Variants in NRXN1 observed in about 807,000 individuals in gnomAD.
The protein encoded by NRXN1 is neurexin-1.
A neutral mutation model predicts 150.9 loss-of-function variants in NRXN1; 39 were observed. The observed-to-expected ratio is 0.26, with a 90% confidence interval of 0.20 to 0.34. NRXN1 has a LOEUF of 0.34. Among genes scored for constraint, NRXN1 ranks in the 10% least tolerant of loss-of-function variants. The pLI is 1.00. For synonymous variants in NRXN1, 924 were observed against 757.0 expected (o/e 1.22, Z -3.62); for missense variants, 1,815 against 1,949.9 (o/e 0.93, Z 1.30).
At chr2:50,488,703 G>T (rs557953571) in intron 15 of NRXN1, among the ~76,000 whole-genome samples, 58 of 152,240 alleles carry the variant, frequency 3.8e-4, no homozygotes, top group African/African-American at 1.3e-3. Flanking sequence ...GTACTCCAAA[G>T]ACTTCTGTAT....
At chr2:49,950,397 T>C (rs935499890) in intron 21 of NRXN1, among the ~76,000 whole-genome samples, 4 of 151,942 alleles carry the variant, frequency 2.6e-5, no homozygotes, top group African/African-American at 9.7e-5. Context: ...AGATCCAGTA[T>C]GTGGAGGATG....
chr2:50,488,448 T>C (rs1325429789), intron 15 of NRXN1, among the ~76,000 whole-genome samples: 1 of 152,128 alleles, frequency 6.6e-6, no homozygotes, highest in African/African-American at 2.4e-5. Flanking sequence ...AGAAAACTAG[T>C]GTGCAGAGCA....
intron 9 of NRXN1, among the ~76,000 whole-genome samples, chr2:50,543,812 ATAAGT>A (rs1388852749): frequency 3.9e-5 from 6 of 152,180 alleles, no homozygotes; most frequent in Non-Finnish European, 7.4e-5. Flanking sequence ...GAGATTTAAA[ATAAGT>A]TAAGTTGATG....
chr2:50,347,630 G>A lies in NRXN1; in HGVS notation c.3365-110660C>T, dbSNP rs2078130147. 2.0e-5 allele frequency: 20 copies of A among 1,000,406 alleles called. No homozygotes were observed. The highest frequency in any genetic ancestry group is 2.3e-5 in the Non-Finnish European group (19 of 839,280). The allele number at this position is 1,000,406 out of a possible 1,614,324, so 62.0% of individuals were successfully genotyped here. On this transcript the variant is annotated intron_variant, in intron 17 of 22. Coordinates refer to ENST00000401669, the MANE Select transcript of NRXN1 (RefSeq NM_001330078.2). This position sits in a 1 kb window ranked among gnomAD's most constrained non-coding sequence, Gnocchi z 4.9. Reference sequence around the variant, plus strand: ...TCCTGACACTTACGCCCGGCGAGGGGTTCAGAGGGAAGAGTGCGCCCTTCT... The same window carrying A: ...TCCTGACACTTACGCCCGGCGAGGGATTCAGAGGGAAGAGTGCGCCCTTCT...
chr2:49,973,318 T>G (rs557908625), intron 21 of NRXN1, among the ~76,000 whole-genome samples: 1 of 152,366 alleles, frequency 6.6e-6, no homozygotes, highest in South Asian at 2.1e-4. Flanking sequence ...GCAGAATTAA[T>G]GTAAGTAAAT....
chr2:50,095,111 G>A (rs996106570), intron 18 of NRXN1, among the ~76,000 whole-genome samples: 4 of 152,114 alleles, frequency 2.6e-5, no homozygotes, highest in African/African-American at 9.7e-5. Context: ...CAGTGCAAGT[G>A]GGGGCTCCAC....
intron 18 of NRXN1, among the ~76,000 whole-genome samples, chr2:50,224,401 G>A (rs1225214960): frequency 6.6e-6 from 1 of 151,806 alleles, no homozygotes; most frequent in Non-Finnish European, 1.5e-5. Flanking sequence ...CTAATTTTAT[G>A]CAAAATGTTT....
At chr2:50,319,165 T>C (rs548886455) in intron 17 of NRXN1, among the ~76,000 whole-genome samples, 1 of 152,248 alleles carries the variant, frequency 6.6e-6, no homozygotes, top group Non-Finnish European at 1.5e-5. Flanking sequence ...AGTGGAATAA[T>C]AATGACTCTA....
intron 5 of NRXN1, among the ~76,000 whole-genome samples, chr2:50,717,908 G>C (rs983690332): frequency 2.6e-5 from 4 of 152,058 alleles, no homozygotes; most frequent in Non-Finnish European, 5.9e-5. Flanking sequence ...TCTCATGATC[G>C]AATCACCTAC....
At chr2:50,501,303 C>T (rs957959797) in intron 13 of NRXN1, among the ~76,000 whole-genome samples, 11 of 151,736 alleles carry the variant, frequency 7.2e-5, no homozygotes, top group Non-Finnish European at 1.3e-4. Context: ...GGAGCGGGAG[C>T]GCCAGGGTCC....
chr2:50,003,833 A>C (rs1332966270), intron 21 of NRXN1, among the ~76,000 whole-genome samples: 2 of 152,192 alleles, frequency 1.3e-5, no homozygotes, highest in Admixed American at 1.3e-4. Context: ...ACTGATAGAC[A>C]TAAAATAAGA....
intron 18 of NRXN1, among the ~76,000 whole-genome samples, chr2:50,213,177 G>C (rs1021277553): frequency 1.3e-5 from 2 of 151,800 alleles, no homozygotes; most frequent in African/African-American, 2.4e-5. Flanking sequence ...AACGAGGTGA[G>C]ATAATATCTT....
At chr2:50,126,651 C>A (rs548580905) in intron 18 of NRXN1, among the ~76,000 whole-genome samples, 21 of 151,984 alleles carry the variant, frequency 1.4e-4, no homozygotes, top group Non-Finnish European at 2.8e-4. Context: ...GAACAGTTTT[C>A]TTTTCTTTTT....
intron 17 of NRXN1, among the ~76,000 whole-genome samples, chr2:50,372,181 C>T (rs1465669774): frequency 3.9e-5 from 6 of 152,042 alleles, no homozygotes; most frequent in Non-Finnish European, 7.4e-5. Flanking sequence ...CTGGAAGAAA[C>T]ACATTTCAGT....
chr2:50,020,336 G>T (rs1432717256), intron 21 of NRXN1, among the ~76,000 whole-genome samples: 1 of 152,078 alleles, frequency 6.6e-6, no homozygotes, highest in Non-Finnish European at 1.5e-5. Context: ...AAATGCTAAA[G>T]CAATTTCTGT....
intron 18 of NRXN1, among the ~76,000 whole-genome samples, chr2:50,167,962 T>C (rs988236565): frequency 1.3e-5 from 2 of 152,224 alleles, no homozygotes; most frequent in African/African-American, 4.8e-5. Context: ...AAAATATCCA[T>C]GCATATTTGC....
chr2:50,293,669 C>T (rs915769714), intron 17 of NRXN1, among the ~76,000 whole-genome samples: 35 of 152,092 alleles, frequency 2.3e-4, no homozygotes, highest in African/African-American at 8.4e-4. Context: ...AGGAAATGAG[C>T]GGTCTGTAGA....
In NRXN1 at chr2:50,500,619, C is replaced by T. The variant is rs143651306; in HGVS notation, c.2498-2905G>A. Among the ~76,000 whole-genome samples, 1,290 of 152,154 alleles carry T rather than the reference C, an allele frequency of 8.5e-3. 26 individuals carry two copies. The highest frequency in any genetic ancestry group is 0.03 in the African/African-American group (1,244 of 41,492). On this transcript the variant is annotated intron_variant, in intron 13 of 22. Transcript: ENST00000401669. ...ATGTTCTAATGATTTAAAAATGCAC[C>T]ATCCAAGGAAAATTTGGAATAAGCA...
At position 50,944,967 on chromosome 2, in the gene NRXN1, T is replaced by C. The variant is rs577528639; in HGVS notation, c.773-19012A>G. ...TGGGAATTACTTCAGTGTTTTCTGC[T>C]AACCATTACATACTATAAACTCAGA... On this transcript the variant is annotated intron_variant, in intron 2 of 22. Transcript: ENST00000401669. 9.2e-5 allele frequency among the ~76,000 whole-genome samples: 14 copies of C among 152,338 alleles called. No individual in the cohort carries two copies. In the South Asian group the frequency reaches 2.7e-3, roughly 29 times the overall value.
Sources: allele counts gnomAD v4.1 joint callset (sites outside exome capture counted in the v4.1 genomes callset), GRCh38; gene constraint gnomAD v4.1.1; non-coding constraint Gnocchi (gnomAD v3.1); transcripts MANE v1.5; gene names NCBI Gene and HGNC (gene_info 2026-07-23, HGNC 2026-07-21).